NOPCHAP1: variants seen among roughly 807,000 people sequenced by gnomAD.
NOPCHAP1 encodes DNA damage-sensitive RNA 1.
A neutral mutation model predicts 14.0 loss-of-function variants in NOPCHAP1; 13 were observed. The observed-to-expected ratio is 0.93, with a 90% CI of 0.60 to 1.47. The LOEUF is 1.47. NOPCHAP1 is among the 40% of genes most tolerant of loss of function. The probability of loss-of-function intolerance (pLI) is 0.00; values close to 1 mark genes in which losing one functional copy is unlikely to be tolerated. For missense variants in NOPCHAP1, 230 were observed against 226.9 expected, an observed-to-expected ratio of 1.01 and a Z score of -0.09; for synonymous variants, 78 against 78.4, an observed-to-expected ratio of 1.00 and a Z score of 0.03.
In NOPCHAP1 at chr12:105,013,409, G is replaced by C. The variant is rs1851994008; in HGVS notation, c.*18713G>C. On this transcript the variant is annotated 3_prime_UTR_variant, in exon 4 of 4. Transcript: ENST00000552951. Reference sequence around the variant, plus strand: ...ATTTCAAGCCAGTGGATCTTAGCTTGCTGGGCTCTGTGGGGGTGGGATTTG... The same window carrying C: ...ATTTCAAGCCAGTGGATCTTAGCTTCCTGGGCTCTGTGGGGGTGGGATTTG... 1 of 152,348 alleles carries C rather than the reference G, an allele frequency of 6.6e-6. No individual in the cohort carries two copies. 9.4% of individuals were successfully genotyped at this position (152,348 alleles called of 1,614,324 possible). A position where few individuals can be genotyped will look rare whatever the true frequency, so the allele number is the denominator to read the frequency against.
At chr12:104,993,542 G>A (rs1455111828) in intron 3 of NOPCHAP1, among the ~76,000 whole-genome samples, 1 of 152,154 alleles carries the variant, frequency 6.6e-6, no homozygotes, top group East Asian at 1.9e-4. Context: ...CAGCCTTAGA[G>A]TCAGCAACTC....
rs776314525 is a variant in NOPCHAP1 at position 104,986,370 on chromosome 12, G to A, written c.18G>A (p.Lys6=). Residue 6 remains lysine, a synonymous_variant, in exon 1 of 4, where the codon AAG becomes AAA. Coordinates refer to ENST00000552951, the MANE Select transcript of NOPCHAP1 (RefSeq NM_152318.3). MEVHG[K]PKASPSCSSP... ...AGGGAAGCATGGAGGTCCATGGCAA[G>A]CCCAAGGCTAGCCCGAGTTGTTCGT... 1.1e-5 allele frequency: 18 copies of A among 1,610,260 alleles called. No homozygotes were observed. The African/African-American group carries it at 2.4e-4, about 22-fold the overall frequency.
chr12:105,016,351 G>T lies in NOPCHAP1; in HGVS notation c.*21655G>T, dbSNP rs1017126433. The T allele has an allele frequency of 2.6e-5, 4 of 152,202 alleles. No homozygotes were observed. The highest frequency in any genetic ancestry group is 4.8e-5 in the African/African-American group (2 of 41,460). The allele number at this position is 152,202 out of a possible 1,614,324, so 9.4% of individuals were successfully genotyped here. ...CTGGTACTTACTGAGCCCTTTCTGT[G>T]TTAGCTACTAGTCTAAGAGTTACCA... On this transcript the variant is annotated 3_prime_UTR_variant, in exon 4 of 4. Transcript: ENST00000552951.
Position 105,004,759 on chromosome 12 carries a change from T to C in NOPCHAP1, c.*10063T>C, listed in dbSNP as rs1873673041. ...GTTGATCCTTGAACAATGCAGGAGT[T>C]AGGGTGCTGACCCCCTTTGTGGTCA... On this transcript the variant is annotated 3_prime_UTR_variant, in exon 4 of 4. Coordinates refer to ENST00000552951, the MANE Select transcript of NOPCHAP1 (RefSeq NM_152318.3). 1 of 152,204 alleles carries C rather than the reference T, an allele frequency of 6.6e-6. No homozygotes were observed. The highest frequency in any genetic ancestry group is 2.4e-5 in the African/African-American group (1 of 41,452). 9.4% of individuals were successfully genotyped at this position (152,204 alleles called of 1,614,324 possible). A position where few individuals can be genotyped will look rare whatever the true frequency, so the allele number is the denominator to read the frequency against.
Position 104,986,411 on chromosome 12 carries a change from C to T in NOPCHAP1, c.59C>T (p.Ser20Phe). The change falls in exon 1 of 4, where the codon TCC (serine) becomes TTC (phenylalanine). Residue 20 changes from serine (S) to phenylalanine (F), a missense_variant. Ser to Phe is a radical substitution (Grantham distance 155). Transcript: ENST00000552951. ...SPSCSSPTRD[S>F]SGVPVSKELL... ...AGTTGTTCGTCGCCCACCCGGGATT[C>T]CTCAGGAGTCCCAGTGTCCAAGGAG... The T allele has an allele frequency of 6.2e-7, 1 of 1,611,790 alleles. No individual in the cohort carries two copies. Among genetic ancestry groups the T allele is most frequent in the Non-Finnish European group, 8.5e-7 (1 of 1,179,170 alleles).
chr12:104,994,814 A>G lies in NOPCHAP1; in HGVS notation c.*118A>G. 1 of 866,896 alleles carries G rather than the reference A, an allele frequency of 1.2e-6. No individual in the cohort carries two copies. Among genetic ancestry groups the G allele is most frequent in the Non-Finnish European group, 1.8e-6 (1 of 552,100 alleles). 53.7% of individuals were successfully genotyped at this position (866,896 alleles called of 1,614,324 possible). ...CCTATGGTGCTTTTATATGTTAAAAACTTTAGACAAGTTAAATTTGACAGA... is the reference window on the plus strand; with the variant it reads ...CCTATGGTGCTTTTATATGTTAAAAGCTTTAGACAAGTTAAATTTGACAGA... On this transcript the variant is annotated 3_prime_UTR_variant, in exon 4 of 4. Transcript: ENST00000552951.
Position 105,006,294 on chromosome 12 carries a change from C to G in NOPCHAP1, c.*11598C>G, listed in dbSNP as rs948312329. 6.6e-6 allele frequency: 1 copy of G among 152,042 alleles called. No homozygotes were observed. The highest frequency in any genetic ancestry group is 2.4e-5 in the African/African-American group (1 of 41,368). The allele number at this position is 152,042 out of a possible 1,614,324, so 9.4% of individuals were successfully genotyped here. A position where few individuals can be genotyped will look rare whatever the true frequency, so the allele number is the denominator to read the frequency against. ...AATTTCATGATGTTCTATCAGTGTT[C>G]TCTTGCATAGCTTTGAAAATTTTTT... On this transcript the variant is annotated 3_prime_UTR_variant, in exon 4 of 4. Transcript: ENST00000552951.
rs1170164337 is a variant in NOPCHAP1, at chr12:105,005,557, G to C, written c.*10861G>C. 6.6e-6 allele frequency: 1 copy of C among 152,270 alleles called. No homozygotes were observed. Among genetic ancestry groups the C allele is most frequent in the Non-Finnish European group, 1.5e-5 (1 of 68,056 alleles). The allele number at this position is 152,270 out of a possible 1,614,324, so 9.4% of individuals were successfully genotyped here. The stretch of plus-strand genomic sequence containing the variant: ...GTAACCCTGCGCAAAGACTAGGCTT[G>C]TGACCAGTCTGATTGGTTGCAGGAG... On this transcript the variant is annotated 3_prime_UTR_variant, in exon 4 of 4. Coordinates refer to ENST00000552951, the MANE Select transcript of NOPCHAP1 (RefSeq NM_152318.3).
chr12:104,995,021 A>G lies in NOPCHAP1; in HGVS notation c.*325A>G, dbSNP rs1481067757. 3 of 322,556 alleles carry G rather than the reference A, an allele frequency of 9.3e-6. No individual in the cohort carries two copies. The highest frequency in any genetic ancestry group is 2.3e-5 in the African/African-American group (1 of 44,322). The allele number at this position is 322,556 out of a possible 1,614,324, so 20.0% of individuals were successfully genotyped here. A position where few individuals can be genotyped will look rare whatever the true frequency, so the allele number is the denominator to read the frequency against. ...CCTAAATAAGGCAAAGAGGAGACCT[A>G]AGGCTGCCTGATGTCCCATAGGTAT... On this transcript the variant is annotated 3_prime_UTR_variant, in exon 4 of 4. Coordinates refer to ENST00000552951, the MANE Select transcript of NOPCHAP1 (RefSeq NM_152318.3).
chr12:104,990,481 A>G (rs1008101327), intron 2 of NOPCHAP1, among the ~76,000 whole-genome samples: 1 of 152,236 alleles, frequency 6.6e-6, no homozygotes, highest in South Asian at 2.1e-4. Flanking sequence ...ATTTGTGTGC[A>G]TGCTCTTAGG....
rs1229446904 is a variant in NOPCHAP1 at position 105,017,461 on chromosome 12, T to C, written c.*22765T>C. The C allele has an allele frequency of 1.6e-5, 2 of 128,832 alleles. No homozygotes were observed. The highest frequency in any genetic ancestry group is 1.5e-5 in the Non-Finnish European group (1 of 64,760). The allele number at this position is 128,832 out of a possible 1,614,324, so 8.0% of individuals were successfully genotyped here. A position where few individuals can be genotyped will look rare whatever the true frequency, so the allele number is the denominator to read the frequency against. ...TTGGAGTGAGCGAAGATCATGCCAC[T>C]GCACTCCAGCCTGGGTGACAGAGAG... On this transcript the variant is annotated 3_prime_UTR_variant, in exon 4 of 4. Coordinates refer to ENST00000552951, the MANE Select transcript of NOPCHAP1 (RefSeq NM_152318.3).
intron 2 of NOPCHAP1, among the ~76,000 whole-genome samples, chr12:104,990,949 T>C (rs1873361878): frequency 6.6e-6 from 1 of 152,224 alleles, no homozygotes; most frequent in Non-Finnish European, 1.5e-5. Context: ...TCAGCCACTC[T>C]GTCTCTTAGT....
rs1873621272 is a variant in NOPCHAP1 at position 105,002,102 on chromosome 12, T to C, written c.*7406T>C. ...ACTGAAATAAGAATGCAAAATCTCT[T>C]TTCCAGCATCCTAGTTGTTTGCAAT... On this transcript the variant is annotated 3_prime_UTR_variant, in exon 4 of 4. Transcript: ENST00000552951. 2 of 152,212 alleles carry C rather than the reference T, an allele frequency of 1.3e-5. No homozygotes were observed. The highest frequency in any genetic ancestry group is 4.1e-4 in the South Asian group (2 of 4,832). 9.4% of individuals were successfully genotyped at this position (152,212 alleles called of 1,614,324 possible).
Position 105,001,818 on chromosome 12 carries a change from G to A in NOPCHAP1, c.*7122G>A, listed in dbSNP as rs1873616499. ...GGTAGAGTTTATAGTAGATGAAAGT[G>A]GCTCTAGTATCCACCAGAATTGTAT... On this transcript the variant is annotated 3_prime_UTR_variant, in exon 4 of 4. Coordinates refer to ENST00000552951, the MANE Select transcript of NOPCHAP1 (RefSeq NM_152318.3). 6.6e-6 allele frequency: 1 copy of A among 152,108 alleles called. No individual in the cohort carries two copies. Among genetic ancestry groups the A allele is most frequent in the Non-Finnish European group, 1.5e-5 (1 of 68,020 alleles). The allele number at this position is 152,108 out of a possible 1,614,324, so 9.4% of individuals were successfully genotyped here. A position where few individuals can be genotyped will look rare whatever the true frequency, so the allele number is the denominator to read the frequency against.
At chr12:104,992,039 T>TC (rs1463764005) in intron 3 of NOPCHAP1, among the ~76,000 whole-genome samples, 191 bp downstream of exon 3, 1 of 152,218 alleles carries the variant, frequency 6.6e-6, no homozygotes, top group African/African-American at 2.4e-5. Context: ...AGGTTTTTTT[T>TC]CCTAAGTCAA....
intron 3 of NOPCHAP1, among the ~76,000 whole-genome samples, chr12:104,993,931 T>G (rs1184628397): frequency 6.6e-6 from 1 of 152,224 alleles, no homozygotes; most frequent in Non-Finnish European, 1.5e-5. Context: ...TGAATGTGTT[T>G]AGGGTATATA....
chr12:104,989,780 CATTG>C (rs1873331517), intron 2 of NOPCHAP1, among the ~76,000 whole-genome samples: 1 of 152,140 alleles, frequency 6.6e-6, no homozygotes, highest in Admixed American at 6.5e-5. Context: ...TCTCACAGCT[CATTG>C]ATTGTTTGTT....
Position 104,995,690 on chromosome 12 carries a change from T to C in NOPCHAP1, c.*994T>C, listed in dbSNP as rs930514214. Reference sequence around the variant, plus strand: ...CCTCAGTGGAAACTAGCATATCTTTTTTTTTTTCGAGATGGAGTCTTGCTC... The same window carrying C: ...CCTCAGTGGAAACTAGCATATCTTTCTTTTTTTCGAGATGGAGTCTTGCTC... On this transcript the variant is annotated 3_prime_UTR_variant, in exon 4 of 4. Transcript: ENST00000552951. 6.6e-6 allele frequency: 1 copy of C among 152,126 alleles called. No individual in the cohort carries two copies. Among genetic ancestry groups the C allele is most frequent in the Non-Finnish European group, 1.5e-5 (1 of 68,088 alleles). The allele number at this position is 152,126 out of a possible 1,614,324, so 9.4% of individuals were successfully genotyped here.
At chr12:104,990,939 TCA>T (rs1292857139) in intron 2 of NOPCHAP1, among the ~76,000 whole-genome samples, 1 of 152,158 alleles carries the variant, frequency 6.6e-6, no homozygotes, top group African/African-American at 2.4e-5. Context: ...TCCTCAGAGG[TCA>T]GCCACTCTGT....
Sources: gnomAD v4.1 joint callset for allele counts (sites outside exome capture counted in the v4.1 genomes callset) on GRCh38, gnomAD v4.1.1 for gene constraint, MANE v1.5 for transcripts, NCBI Gene and HGNC (gene_info 2026-07-23, HGNC 2026-07-21) for gene names.